Variants in MLLT10 observed in about 807,000 individuals in gnomAD.
MLLT10 encodes protein AF-10.
MLLT10 carries 30 observed loss-of-function variants against 129.1 expected under a neutral mutation model. The ratio of observed to expected loss-of-function variants is 0.23; its 90% CI spans 0.17 to 0.32. The LOEUF is 0.32. MLLT10 is among the 10% of genes least tolerant of loss of function. MLLT10 has a pLI of 1.00. For synonymous variants in MLLT10, 490 were observed against 446.4 expected (o/e 1.10, Z -1.23); for missense variants, 1,119 against 1,268.3 (o/e 0.88, Z 1.79).
At chr10:21,720,024 T>G (rs2057016781) in intron 14 of MLLT10, among the ~76,000 whole-genome samples, 1 of 152,214 alleles carries the variant, frequency 6.6e-6, no homozygotes, top group South Asian at 2.1e-4. Flanking sequence ...CAGTAATTTT[T>G]TCCCAGAAAG....
intron 16 of MLLT10, 76 bp downstream of exon 16, chr10:21,728,004 T>A: frequency 1.7e-6 from 2 of 1,198,810 alleles, no homozygotes; most frequent in Non-Finnish European, 2.4e-6. Context: ...CTCATATCAG[T>A]AGAGTGTACA....
chr10:21,645,300 T>C (rs1040065473), intron 8 of MLLT10, among the ~76,000 whole-genome samples: 1 of 152,202 alleles, frequency 6.6e-6, no homozygotes, highest in Non-Finnish European at 1.5e-5. Context: ...TGGTTGGTTG[T>C]TTTTTAACTG....
chr10:21,639,596 A>T (rs1466105642), intron 8 of MLLT10, among the ~76,000 whole-genome samples: 1 of 152,180 alleles, frequency 6.6e-6, no homozygotes, highest in African/African-American at 2.4e-5. Context: ...GGCCTTTGTT[A>T]TACCGAGTTC....
rs574628420 is a variant in MLLT10, at chr10:21,534,397, G to A, written c.-124G>A. On this transcript the variant is annotated 5_prime_UTR_variant, in exon 1 of 23. Coordinates refer to ENST00000307729, the MANE Select transcript of MLLT10 (RefSeq NM_001195626.3). ...CGCGTTAGCGGCCGGGTGGAGGTGG[G>A]GAGGGAAGACGCTGAGGAGGAGGAG... 2.2e-6 allele frequency: 1 copy of A among 456,576 alleles called. No individual in the cohort carries two copies. Among genetic ancestry groups the A allele is most frequent in the South Asian group, 4.3e-5 (1 of 23,126 alleles). The allele number at this position is 456,576 out of a possible 1,614,324, so 28.3% of individuals were successfully genotyped here.
intron 8 of MLLT10, among the ~76,000 whole-genome samples, chr10:21,622,999 G>A (rs1268178339): frequency 2.0e-5 from 3 of 152,208 alleles, no homozygotes; most frequent in Admixed American, 6.5e-5. Flanking sequence ...CTTATGTATT[G>A]TGAAGGATAC....
intron 13 of MLLT10, among the ~76,000 whole-genome samples, chr10:21,682,666 T>C (rs1480977835): frequency 6.6e-6 from 1 of 152,186 alleles, no homozygotes. Flanking sequence ...CTTTAATTAT[T>C]TTACCCCTGT....
intron 3 of MLLT10, among the ~76,000 whole-genome samples, chr10:21,549,659 CTTT>C (rs11374255): frequency 4.1e-5 from 5 of 121,972 alleles, no homozygotes; most frequent in Non-Finnish European, 1.7e-5. Flanking sequence ...GAGTTGTACT[CTTT>C]TTTTTTTTTT....
At chr10:21,594,432 C>CCAGCTA (rs892449263) in intron 4 of MLLT10, among the ~76,000 whole-genome samples, 6 of 151,740 alleles carry the variant, frequency 4.0e-5, no homozygotes, top group African/African-American at 1.5e-4. Flanking sequence ...GCCTGTAATC[C>CCAGCTA]CAGCTACTGG....
chr10:21,624,028 G>C (rs2046174307), intron 8 of MLLT10, among the ~76,000 whole-genome samples: 1 of 151,992 alleles, frequency 6.6e-6, no homozygotes, highest in East Asian at 1.9e-4. Context: ...TGACGTTTAA[G>C]CCAAACAAAT....
chr10:21,723,402 T>A (rs2131549907), intron 14 of MLLT10, among the ~76,000 whole-genome samples: 1 of 152,308 alleles, frequency 6.6e-6, no homozygotes, highest in African/African-American at 2.4e-5. Context: ...GAGAGTTGGA[T>A]CTTTGGATTC....
At position 21,536,789 on chromosome 10, in the gene MLLT10, C is replaced by CT. The variant is rs769854157; in HGVS notation, c.160+1997dup. Among the ~76,000 whole-genome samples, 643 of 144,430 alleles carry CT rather than the reference C, an allele frequency of 4.5e-3. 4 individuals carry two copies. The highest frequency in any genetic ancestry group is 0.012 in the African/African-American group (467 of 39,704). 94.8% of individuals were successfully genotyped at this position (144,430 alleles called of 152,430 possible). On this transcript the variant is annotated intron_variant, in intron 2 of 22. Transcript: ENST00000307729. ...ACCAGGTTGCCCAGGTTGGTCTTGA[C>CT]TTTTTTTTTTTTGAGACAGAGTTTT...
chr10:21,543,194 C>T (rs964670518), intron 3 of MLLT10, among the ~76,000 whole-genome samples: 2 of 152,140 alleles, frequency 1.3e-5, no homozygotes, highest in African/African-American at 4.8e-5. Flanking sequence ...AATCTTGGCT[C>T]ACCACAACCT....
chr10:21,735,625 T>G (rs1308730616), intron 21 of MLLT10, among the ~76,000 whole-genome samples: 1 of 152,060 alleles, frequency 6.6e-6, no homozygotes, highest in Non-Finnish European at 1.5e-5. Context: ...TTAGATAGGA[T>G]GGCCCCGCCT....
At chr10:21,547,995 C>T (rs1023382769) in intron 3 of MLLT10, among the ~76,000 whole-genome samples, 1 of 151,950 alleles carries the variant, frequency 6.6e-6, no homozygotes, top group African/African-American at 2.4e-5. Flanking sequence ...TTCTCAGGGT[C>T]TGAGGCTAGT....
intron 3 of MLLT10, among the ~76,000 whole-genome samples, chr10:21,550,507 G>A (rs2036828159): frequency 1.3e-5 from 2 of 152,114 alleles, no homozygotes; most frequent in African/African-American, 4.8e-5. Flanking sequence ...AACTGCCCCA[G>A]CTTCAATTTA....
chr10:21,710,436 C>T (rs967870965), intron 13 of MLLT10, among the ~76,000 whole-genome samples: 1 of 152,154 alleles, frequency 6.6e-6, no homozygotes, highest in African/African-American at 2.4e-5. Flanking sequence ...AGATATTAGG[C>T]ATCTAGAGTT....
intron 9 of MLLT10, among the ~76,000 whole-genome samples, chr10:21,661,297 A>G (rs930859224): frequency 6.6e-6 from 1 of 152,222 alleles, no homozygotes; most frequent in African/African-American, 2.4e-5. Flanking sequence ...GAAGTAGTCT[A>G]CAGATGTCAA....
At chr10:21,722,666 C>CGAAG (rs1343259056) in intron 14 of MLLT10, among the ~76,000 whole-genome samples, 2 of 152,116 alleles carry the variant, frequency 1.3e-5, no homozygotes, top group African/African-American at 4.8e-5. Context: ...AAGCCGTCTT[C>CGAAG]CTCTTCTGCA....
At chr10:21,565,845 A>T (rs377725135) in intron 3 of MLLT10, among the ~76,000 whole-genome samples, 1 of 144,580 alleles carries the variant, frequency 6.9e-6, no homozygotes, top group Non-Finnish European at 1.5e-5. Context: ...GGCTCAAGAG[A>T]CCCTCCTGTC....
Sources: allele counts gnomAD v4.1 joint callset (sites outside exome capture counted in the v4.1 genomes callset), GRCh38; gene constraint gnomAD v4.1.1; transcripts MANE v1.5; gene names NCBI Gene and HGNC (gene_info 2026-07-23, HGNC 2026-07-21).